Variants in NKAIN3 observed in about 807,000 individuals in gnomAD.
The protein encoded by NKAIN3 is sodium/potassium-transporting ATPase subunit beta-1-interacting protein 3.
NKAIN3 carries 25 observed loss-of-function variants against 30.2 expected under a neutral mutation model. The ratio of observed to expected loss-of-function variants is 0.83; its 90% confidence interval spans 0.60 to 1.16. NKAIN3 has a LOEUF of 1.16. Among genes scored for constraint, NKAIN3 ranks in the 50% most tolerant of loss-of-function variants. The probability of loss-of-function intolerance (pLI) is 0.00; values close to 1 mark genes in which losing one functional copy is unlikely to be tolerated. For missense variants in NKAIN3, 225 were observed against 254.1 expected, an observed-to-expected ratio of 0.89 and a Z score of 0.78; for synonymous variants, 91 against 89.6, an observed-to-expected ratio of 1.02 and a Z score of -0.09.
At position 62,918,455 on chromosome 8, in the gene NKAIN3, G is replaced by T; in HGVS notation, c.474G>T (p.Leu158Phe). ...TACACATTTTTTCCCTTTTGCAGTTGGTGGGTTTTGTGTATGCCTGTTATG... is the reference window on the plus strand; with the variant it reads ...TACACATTTTTTCCCTTTTGCAGTTTGTGGGTTTTGTGTATGCCTGTTATG... ...IHSAVQILLS[L>F]VGFVYACYVI... Residue 158 changes from leucine to phenylalanine, a missense_variant and splice_region_variant, in exon 5 of 7, where the codon TTG becomes TTT. Coordinates refer to ENST00000623646, the MANE Select transcript of NKAIN3 (RefSeq NM_001304533.3). The T allele has an allele frequency of 1.2e-6, 2 of 1,611,916 alleles. No homozygotes were observed. The highest frequency in any genetic ancestry group is 1.7e-6 in the Non-Finnish European group (2 of 1,178,250).
At chr8:62,342,235 C>CAAAAAAAAA (rs3058285) in intron 1 of NKAIN3, among the ~76,000 whole-genome samples, 5 of 124,726 alleles carry the variant, frequency 4.0e-5, no homozygotes, top group East Asian at 4.6e-4. Flanking sequence ...ACCACTGAAC[C>CAAAAAAAAA]AAAAAAAAAA....
At chr8:62,303,934 C>T (rs1408273408) in intron 1 of NKAIN3, among the ~76,000 whole-genome samples, 1 of 150,586 alleles carries the variant, frequency 6.6e-6, no homozygotes, top group African/African-American at 2.5e-5. Flanking sequence ...TCTTCTACAT[C>T]TAATTTCGAT....
intron 3 of NKAIN3, among the ~76,000 whole-genome samples, chr8:62,700,098 C>G (rs1814285058): frequency 6.6e-6 from 1 of 152,064 alleles, no homozygotes; most frequent in African/African-American, 2.4e-5. Context: ...GTACTCCAGT[C>G]TGGGCAATAG....
At chr8:62,799,232 G>C (rs1460710359) in intron 4 of NKAIN3, among the ~76,000 whole-genome samples, 2 of 152,122 alleles carry the variant, frequency 1.3e-5, no homozygotes, top group Non-Finnish European at 2.9e-5. Context: ...CCTACTTAAA[G>C]TAATAATCAG....
chr8:62,387,649 C>G (rs1215470793), intron 1 of NKAIN3, among the ~76,000 whole-genome samples: 1 of 152,166 alleles, frequency 6.6e-6, no homozygotes, highest in African/African-American at 2.4e-5. Context: ...AGTAACTTTT[C>G]CATTGTGATA....
rs545584965 is a variant in NKAIN3, at chr8:62,249,566, C to G, written c.54+439C>G. ...GCTTAATTACACTGTGTGGGAATGC[C>G]CAGGTTCTGAGGAGACAGAAGCTGC... On this transcript the variant is annotated intron_variant, in intron 1 of 6. Coordinates refer to ENST00000623646, the MANE Select transcript of NKAIN3 (RefSeq NM_001304533.3). Among the ~76,000 whole-genome samples the G allele has an allele frequency of 1.2e-4, 18 of 152,296 alleles. No individual in the cohort carries two copies. In the South Asian group the frequency reaches 1.5e-3, roughly 12 times the overall value.
intron 5 of NKAIN3, among the ~76,000 whole-genome samples, chr8:62,937,584 G>A (rs1822825295): frequency 6.6e-6 from 1 of 152,062 alleles, no homozygotes; most frequent in South Asian, 2.1e-4. Context: ...AGGGGACCTT[G>A]GGGAGGGCTG....
At chr8:62,331,010 C>A (rs1263047377) in intron 1 of NKAIN3, among the ~76,000 whole-genome samples, 52 of 149,812 alleles carry the variant, frequency 3.5e-4, no homozygotes, top group African/African-American at 1.1e-3. Context: ...TTCTCTCTCT[C>A]TCTATATATA....
intron 4 of NKAIN3, among the ~76,000 whole-genome samples, chr8:62,905,444 A>G (rs948469655): frequency 6.6e-6 from 1 of 152,202 alleles, no homozygotes; most frequent in Admixed American, 6.5e-5. Context: ...CAAAATTCAA[A>G]CATGCTATAA....
At position 62,804,422 on chromosome 8, in the gene NKAIN3, T is replaced by C. The variant is rs374623603; in HGVS notation, c.471+57293T>C. 8.5e-5 allele frequency among the ~76,000 whole-genome samples: 13 copies of C among 152,208 alleles called. No homozygotes were observed. In the East Asian group the frequency reaches 1.9e-3, roughly 23 times the overall value. ...CTCAATAAAATACTGGCAAACCAAA[T>C]CCAGCAGCACATCAAAAAGTTTATC... On this transcript the variant is annotated intron_variant, in intron 4 of 6. Coordinates refer to ENST00000623646, the MANE Select transcript of NKAIN3 (RefSeq NM_001304533.3).
At chr8:62,860,786 T>C (rs1044439700) in intron 4 of NKAIN3, among the ~76,000 whole-genome samples, 3 of 152,242 alleles carry the variant, frequency 2.0e-5, no homozygotes, top group African/African-American at 7.2e-5. Flanking sequence ...TCCTGACAAC[T>C]TGTGTTCTTG....
intron 1 of NKAIN3, among the ~76,000 whole-genome samples, chr8:62,264,502 T>TA (rs1163483006): frequency 6.6e-6 from 1 of 152,208 alleles, no homozygotes; most frequent in East Asian, 1.9e-4. Flanking sequence ...CCTTCCTTAT[T>TA]ACTCCTTCCC....
rs369340443 is a variant in NKAIN3 at position 62,366,447 on chromosome 8, G to A, written c.54+117320G>A. On this transcript the variant is annotated intron_variant, in intron 1 of 6. Coordinates refer to ENST00000623646, the MANE Select transcript of NKAIN3 (RefSeq NM_001304533.3). The stretch of plus-strand genomic sequence containing the variant: ...TCACTATGTTGGCCGAGCTGGTCTC[G>A]AACTCCTGACCTCAAGTGATCAGCT... Among the ~76,000 whole-genome samples the A allele has an allele frequency of 3.3e-5, 5 of 152,150 alleles. No individual in the cohort carries two copies. The East Asian group carries it at 7.7e-4, about 24-fold the overall frequency.
At position 62,454,301 on chromosome 8, in the gene NKAIN3, C is replaced by CA. The variant is rs201511724; in HGVS notation, c.55-125216dup. 7.7e-3 allele frequency among the ~76,000 whole-genome samples: 432 copies of CA among 56,028 alleles called. 26 individuals carry two copies. Among genetic ancestry groups the CA allele is most frequent in the East Asian group, 0.04 (104 of 2,594 alleles). 36.8% of individuals were successfully genotyped at this position (56,028 alleles called of 152,430 possible). On this transcript the variant is annotated intron_variant, in intron 1 of 6. Transcript: ENST00000623646. ...ACCAACACTAACAATAGCTGATGTG[C>CA]AAAAAAAAAAAAAAAAAAAAAATCT...
intron 1 of NKAIN3, among the ~76,000 whole-genome samples, chr8:62,380,557 A>C: frequency 6.6e-6 from 1 of 152,184 alleles, no homozygotes; most frequent in South Asian, 2.1e-4. Flanking sequence ...CCTGTGTCAG[A>C]GCTTTGGCAG....
At chr8:62,699,039 T>C (rs999723920) in intron 3 of NKAIN3, among the ~76,000 whole-genome samples, 1 of 152,208 alleles carries the variant, frequency 6.6e-6, no homozygotes, top group East Asian at 1.9e-4. Flanking sequence ...AACCCTATCA[T>C]AGAAATAAAT....
chr8:62,414,563 A>G (rs1804371748), intron 1 of NKAIN3, among the ~76,000 whole-genome samples: 1 of 152,194 alleles, frequency 6.6e-6, no homozygotes, highest in Non-Finnish European at 1.5e-5. Context: ...GTGAAAAATG[A>G]GTCAACTTTT....
chr8:62,423,819 A>G (rs1804720813), intron 1 of NKAIN3, among the ~76,000 whole-genome samples: 1 of 152,000 alleles, frequency 6.6e-6, no homozygotes, highest in Admixed American at 6.6e-5. Context: ...TAATTCTAAC[A>G]TATCTTATAC....
intron 4 of NKAIN3, among the ~76,000 whole-genome samples, chr8:62,817,409 GT>G (rs1453241058): frequency 6.6e-6 from 1 of 152,126 alleles, no homozygotes; most frequent in Non-Finnish European, 1.5e-5. Context: ...CGAGTGGGAA[GT>G]TTTAGTTTTT....
Sources: gnomAD v4.1 joint callset for allele counts (sites outside exome capture counted in the v4.1 genomes callset) on GRCh38, gnomAD v4.1.1 for gene constraint, MANE v1.5 for transcripts, NCBI Gene and HGNC (gene_info 2026-07-23, HGNC 2026-07-21) for gene names.